Variants in PRKN observed in about 807,000 individuals in gnomAD.
PRKN encodes the protein parkin RBR E3 ubiquitin protein ligase.
A neutral mutation model predicts 59.5 loss-of-function variants in PRKN; 56 were observed. The ratio of observed to expected loss-of-function variants is 0.94; its 90% CI spans 0.76 to 1.18. The LOEUF (loss-of-function observed/expected upper bound fraction) is 1.18, where lower values mean the gene tolerates loss of function less well. Ranked by LOEUF, PRKN falls within the 50% of genes most tolerant of loss-of-function variation. The probability of loss-of-function intolerance (pLI) is 0.00; values close to 1 mark genes in which losing one functional copy is unlikely to be tolerated. For synonymous variants in PRKN, 250 were observed against 222.1 expected (o/e 1.13, Z -1.12); for missense variants, 657 against 596.4 (o/e 1.10, Z -1.06).
intron 1 of PRKN, among the ~76,000 whole-genome samples, chr6:162,704,620 A>G (rs1778273766): frequency 2.0e-5 from 3 of 152,240 alleles, no homozygotes; most frequent in Non-Finnish European, 4.4e-5. Flanking sequence ...CAATCAGCTA[A>G]GAAATTTTAG....
intron 1 of PRKN, among the ~76,000 whole-genome samples, chr6:162,504,482 G>C (rs1793517985): frequency 1.3e-5 from 2 of 152,130 alleles, no homozygotes; most frequent in African/African-American, 4.8e-5. Context: ...ACAGATAATA[G>C]ATCAATGGAC....
At chr6:161,995,882 C>CT (rs1487969990) in intron 5 of PRKN, among the ~76,000 whole-genome samples, 33 of 152,274 alleles carry the variant, frequency 2.2e-4, no homozygotes, top group African/African-American at 7.9e-4. Flanking sequence ...TGGCTTACGC[C>CT]TGTAATCCCA....
chr6:162,491,373 T>C (rs1040062250), intron 1 of PRKN, among the ~76,000 whole-genome samples: 2 of 151,606 alleles, frequency 1.3e-5, no homozygotes. Flanking sequence ...GAAAACACAA[T>C]GAAGGAAAAC....
At position 161,924,257 on chromosome 6, in the gene PRKN, C is replaced by A. The variant is rs181446353; in HGVS notation, c.734+49045G>T. Among the ~76,000 whole-genome samples, 60 of 152,282 alleles carry A rather than the reference C, an allele frequency of 3.9e-4. 1 individual carries two copies. In the East Asian group the frequency reaches 0.01, roughly 26 times the overall value. On this transcript the variant is annotated intron_variant, in intron 6 of 11. Coordinates refer to ENST00000366898, the MANE Select transcript of PRKN (RefSeq NM_004562.3). The stretch of plus-strand genomic sequence containing the variant: ...CCATCATCACCAATCACTTCTCGGG[C>A]CTCATCTTTAACCTCACACACTCCA...
At chr6:161,741,720 T>TATGTC (rs112644953) in intron 7 of PRKN, among the ~76,000 whole-genome samples, 3,920 of 152,198 alleles carry the variant, frequency 0.026, 179 homozygotes, top group African/African-American at 0.09. Flanking sequence ...AACCTCTTTG[T>TATGTC]CTCGGGAAGG....
At chr6:162,607,390 A>C (rs1200830854) in intron 1 of PRKN, among the ~76,000 whole-genome samples, 4 of 152,156 alleles carry the variant, frequency 2.6e-5, no homozygotes, top group Non-Finnish European at 4.4e-5. Flanking sequence ...AGAAGTGAAT[A>C]CTGTGGAGAT....
intron 1 of PRKN, among the ~76,000 whole-genome samples, chr6:162,585,858 T>A (rs1189580130): frequency 6.7e-6 from 1 of 149,674 alleles, no homozygotes; most frequent in African/African-American, 2.5e-5. Flanking sequence ...CGTGCCACCA[T>A]GCCCGGCTAA....
rs1212963252 is a variant in PRKN, at chr6:161,781,441, A to C, written c.871+4331T>G. On this transcript the variant is annotated intron_variant, in intron 7 of 11. Coordinates refer to ENST00000366898, the MANE Select transcript of PRKN (RefSeq NM_004562.3). ...AAGAAGTTGAACCCAAGAGTGCATAAGATTCTGAGGATGGCATTGGCATAC... is the reference window on the plus strand; with the variant it reads ...AAGAAGTTGAACCCAAGAGTGCATACGATTCTGAGGATGGCATTGGCATAC... Among the ~76,000 whole-genome samples the C allele has an allele frequency of 5.9e-5, 9 of 152,204 alleles. No homozygotes were observed. The South Asian group carries it at 6.2e-4, about 10-fold the overall frequency.
At chr6:162,229,794 A>G (rs186197676) in intron 3 of PRKN, among the ~76,000 whole-genome samples, 1 of 152,338 alleles carries the variant, frequency 6.6e-6, no homozygotes, top group East Asian at 1.9e-4. Flanking sequence ...CTGTTTTTGT[A>G]CAAACGACCA....
rs577427018 is a variant in PRKN at position 161,376,721 on chromosome 6, C to T, written c.1167+10073G>A. Among the ~76,000 whole-genome samples, 1 of 152,192 alleles carries T rather than the reference C, an allele frequency of 6.6e-6. No individual in the cohort carries two copies. Among genetic ancestry groups the T allele is most frequent in the Non-Finnish European group, 1.5e-5 (1 of 68,024 alleles). On this transcript the variant is annotated intron_variant, in intron 10 of 11. Transcript: ENST00000366898. This position sits in a 1 kb window ranked among gnomAD's most constrained non-coding sequence, Gnocchi z 7.3. ...CTCACCTCTAGCCTCCTACCTCTGG[C>T]TCCCCTCAGTCTTCTGTGGCAACCG...
chr6:161,411,299 A>C (rs1239045116), intron 9 of PRKN, among the ~76,000 whole-genome samples: 1 of 152,148 alleles, frequency 6.6e-6, no homozygotes, highest in African/African-American at 2.4e-5. Flanking sequence ...GTAGTGAATA[A>C]GTCTCACAAG....
intron 9 of PRKN, among the ~76,000 whole-genome samples, chr6:161,404,899 G>T (rs1787193586): frequency 6.6e-6 from 1 of 152,192 alleles, no homozygotes; most frequent in African/African-American, 2.4e-5. Context: ...AGAATGCGAA[G>T]CCGTAAATAC....
At chr6:162,203,276 G>A (rs1264267545) in intron 3 of PRKN, among the ~76,000 whole-genome samples, 1 of 152,096 alleles carries the variant, frequency 6.6e-6, no homozygotes, top group African/African-American at 2.4e-5. Context: ...AGAAAATACT[G>A]TATGCCAATG....
chr6:162,413,032 T>C (rs984412671), intron 2 of PRKN, among the ~76,000 whole-genome samples: 1 of 152,208 alleles, frequency 6.6e-6, no homozygotes, highest in Non-Finnish European at 1.5e-5. Flanking sequence ...CATGAAAACA[T>C]GAAAATAATT....
intron 3 of PRKN, among the ~76,000 whole-genome samples, chr6:162,226,521 C>T (rs187568348): frequency 1.3e-5 from 2 of 152,106 alleles, no homozygotes; most frequent in Non-Finnish European, 2.9e-5. Context: ...AGGAGGAACA[C>T]CAAGAATTTT....
rs544657522 is a variant in PRKN, at chr6:162,003,237, G to A, written c.619-29820C>T. On this transcript the variant is annotated intron_variant, in intron 5 of 11. Coordinates refer to ENST00000366898, the MANE Select transcript of PRKN (RefSeq NM_004562.3). ...AAAAAAAAAAAAAAAATTTGGACAT[G>A]TCCAGTTTGGCGAGTAGATGGGTTA... is the stretch of plus-strand genomic sequence containing the variant. Among the ~76,000 whole-genome samples, 10 of 150,658 alleles carry A rather than the reference G, an allele frequency of 6.6e-5. No homozygotes were observed. In the South Asian group the frequency reaches 1.9e-3, roughly 28 times the overall value.
intron 2 of PRKN, among the ~76,000 whole-genome samples, chr6:162,356,747 T>TAAAAAAAAAAAAAAAAAAAAAAAATAA (rs748212596): frequency 1.4e-5 from 1 of 73,066 alleles, no homozygotes. Flanking sequence ...TGATTATTAG[T>TAAAAAAAAAAAAAAAAAAAAAAAATAA]AAAAAAAAAA....
chr6:161,543,964 G>T (rs528927232), intron 9 of PRKN, among the ~76,000 whole-genome samples: 24 of 152,206 alleles, frequency 1.6e-4, no homozygotes, highest in Non-Finnish European at 3.2e-4. Context: ...CAGAAAAAAA[G>T]AATAATGCAT....
chr6:161,849,323 T>G (rs2128222093), intron 6 of PRKN, among the ~76,000 whole-genome samples: 1 of 152,320 alleles, frequency 6.6e-6, no homozygotes, highest in African/African-American at 2.4e-5. Flanking sequence ...AATTCTTTTT[T>G]GTCTTAATGG....
Sources: allele counts gnomAD v4.1 joint callset (sites outside exome capture counted in the v4.1 genomes callset), GRCh38; gene constraint gnomAD v4.1.1; non-coding constraint Gnocchi (gnomAD v3.1); transcripts MANE v1.5; gene names NCBI Gene and HGNC (gene_info 2026-07-23, HGNC 2026-07-21).